FKBP1A: variants seen among roughly 807,000 people sequenced by gnomAD.
The protein encoded by FKBP1A is peptidyl-prolyl cis-trans isomerase FKBP1A.
Under a neutral mutation model 14.2 loss-of-function variants are expected in FKBP1A, and 5 were observed. That is an observed-to-expected ratio of 0.35 (90% CI 0.18 to 0.74). The LOEUF is 0.74. Ranked by LOEUF, FKBP1A falls within the 30% of genes least tolerant of loss-of-function variation. FKBP1A has a pLI of 0.56. For synonymous variants in FKBP1A, 42 were observed against 49.1 expected (o/e 0.86, Z 0.60); for missense variants, 53 against 138.8 (o/e 0.38, Z 3.10).
chr20:1,383,214 A>G (rs568269471), intron 2 of FKBP1A, among the ~76,000 whole-genome samples: 2 of 152,176 alleles, frequency 1.3e-5, no homozygotes. Context: ...AGGCACCTCT[A>G]CAGACTTATG....
chr20:1,376,648 AGAT>A (rs1295104704), intron 2 of FKBP1A: 2 of 151,334 alleles, frequency 1.3e-5, no homozygotes, highest in East Asian at 3.8e-4. Flanking sequence ...CCCATTTCAC[AGAT>A]GAAGAAACTG....
At chr20:1,389,081 A>G (rs111703881) in intron 2 of FKBP1A, among the ~76,000 whole-genome samples, 1,880 of 152,198 alleles carry the variant, frequency 0.012, 47 homozygotes, top group African/African-American at 0.043. Flanking sequence ...ACCCTCACGA[A>G]AAGCAGCCAA....
chr20:1,375,789 G>GAC (rs1420025855), intron 2 of FKBP1A, among the ~76,000 whole-genome samples, 186 bp from the exon 3 acceptor site: 2 of 152,082 alleles, frequency 1.3e-5, no homozygotes, highest in Non-Finnish European at 2.9e-5. Flanking sequence ...CTCCAGACCT[G>GAC]TGAATGCTCT....
chr20:1,372,374 G>A, intron 3 of FKBP1A, 134 bp from the exon 4 acceptor site: 1 of 838,760 alleles, frequency 1.2e-6, no homozygotes, highest in Admixed American at 2.4e-5. Context: ...AGCTGCCCAG[G>A]CATCACCACC....
At chr20:1,391,961 T>C (rs1055150382) in intron 2 of FKBP1A, among the ~76,000 whole-genome samples, 1 of 151,938 alleles carries the variant, frequency 6.6e-6, no homozygotes, top group Non-Finnish European at 1.5e-5. Flanking sequence ...AGGACAAGCT[T>C]GTAAGGAGAA....
chr20:1,390,068 G>C (rs1015168475), intron 2 of FKBP1A, among the ~76,000 whole-genome samples: 7 of 152,146 alleles, frequency 4.6e-5, no homozygotes, highest in African/African-American at 1.4e-4. Flanking sequence ...TGACATCAAG[G>C]TGACTGACAG....
chr20:1,391,245 T>C (rs1191612992), intron 2 of FKBP1A, among the ~76,000 whole-genome samples: 3 of 152,114 alleles, frequency 2.0e-5, no homozygotes, highest in African/African-American at 7.2e-5. Flanking sequence ...TCCCAATCTT[T>C]GCCCCAGTTG....
intron 3 of FKBP1A, chr20:1,373,154 G>A (rs368834392): frequency 4.6e-5 from 7 of 152,152 alleles, no homozygotes; most frequent in African/African-American, 1.2e-4. Context: ...GGGACATGTT[G>A]GACCAAGGTG....
At position 1,392,411 on chromosome 20, in the gene FKBP1A, G is replaced by A. The variant is rs565795162; in HGVS notation, c.85+423C>T. On this transcript the variant is annotated intron_variant, in intron 2 of 4. Coordinates refer to ENST00000400137, the MANE Select transcript of FKBP1A (RefSeq NM_000801.5). ...CAGTGAAGGGAGGGATGGAAGTGGG[G>A]GCAGGGGCACAGAAATGGTACAAAT... 1.4e-4 allele frequency among the ~76,000 whole-genome samples: 21 copies of A among 152,286 alleles called. 1 individual carries two copies. The highest frequency in any genetic ancestry group is 1.1e-3 in the Admixed American group (17 of 15,300).
intron 2 of FKBP1A, chr20:1,378,599 GT>G (rs2089580149): frequency 6.6e-6 from 1 of 152,138 alleles, no homozygotes; most frequent in African/African-American, 2.4e-5. Flanking sequence ...AGTGGGGGGT[GT>G]TGATAACAGG....
chr20:1,370,398 T>A, intron 4 of FKBP1A: 1 of 984,032 alleles, frequency 1.0e-6, no homozygotes, highest in East Asian at 1.1e-4. Context: ...GTGCTACATA[T>A]AGGCATCACC....
chr20:1,375,218 T>C (rs2089524357), intron 3 of FKBP1A: 2 of 572,018 alleles, frequency 3.5e-6, no homozygotes, highest in East Asian at 2.9e-5. Context: ...TGTAGTGGTA[T>C]TGCAAGTGTC....
intron 2 of FKBP1A, among the ~76,000 whole-genome samples, chr20:1,390,787 TCTATTC>T (rs2089726940): frequency 6.6e-6 from 1 of 152,114 alleles, no homozygotes; most frequent in East Asian, 1.9e-4. Context: ...TCGAAAACAG[TCTATTC>T]TGTGAGCATG....
intron 2 of FKBP1A, 65 bp downstream of exon 2, chr20:1,392,769 C>A: frequency 7.6e-7 from 1 of 1,308,266 alleles, no homozygotes; most frequent in Non-Finnish European, 1.0e-6. Context: ...CAGGCCTCGA[C>A]GGCCAGCCGC....
At chr20:1,370,492 G>A (rs908763313) in intron 4 of FKBP1A, 1 of 977,664 alleles carries the variant, frequency 1.0e-6, no homozygotes, top group Non-Finnish European at 1.2e-6. Context: ...TGGGCATCAG[G>A]AAAGTCTTAA....
At chr20:1,389,815 G>A (rs1178386324) in intron 2 of FKBP1A, among the ~76,000 whole-genome samples, 1 of 152,210 alleles carries the variant, frequency 6.6e-6, no homozygotes, top group East Asian at 1.9e-4. Flanking sequence ...AGCTACTGGA[G>A]GCAGCAGGGA....
chr20:1,375,368 T>C, intron 3 of FKBP1A, 123 bp downstream of exon 3: 1 of 672,528 alleles, frequency 1.5e-6, no homozygotes, highest in South Asian at 1.9e-5. Context: ...ATTGGTCAGA[T>C]GGGATGGCAT....
chr20:1,381,895 T>C (rs1050774788), intron 2 of FKBP1A, among the ~76,000 whole-genome samples: 2 of 151,970 alleles, frequency 1.3e-5, no homozygotes, highest in African/African-American at 4.8e-5. Context: ...AAAAAGCATA[T>C]CAGTAGTTGT....
intron 2 of FKBP1A, 118 bp from the exon 3 acceptor site, chr20:1,375,721 T>TA: frequency 1.3e-6 from 1 of 752,438 alleles, no homozygotes; most frequent in Middle Eastern, 2.3e-4. Flanking sequence ...GGAACTGCAG[T>TA]ATCTAGGGAG....
Sources: gnomAD v4.1 joint callset for allele counts (sites outside exome capture counted in the v4.1 genomes callset) on GRCh38, gnomAD v4.1.1 for gene constraint, MANE v1.5 for transcripts, NCBI Gene and HGNC (gene_info 2026-07-23, HGNC 2026-07-21) for gene names.